RPH3A: variants seen among roughly 807,000 people sequenced by gnomAD.
The protein encoded by RPH3A is rabphilin 3A, also known as rabphilin-3A.
Under a neutral mutation model 102.2 loss-of-function variants are expected in RPH3A, and 48 were observed. The observed-to-expected ratio is 0.47, with a 90% CI of 0.37 to 0.60. RPH3A has a LOEUF of 0.60. Among genes scored for constraint, RPH3A ranks in the 20% least tolerant of loss-of-function variants. The pLI is 0.00. For synonymous variants in RPH3A, 310 were observed against 324.3 expected (o/e 0.96, Z 0.47); for missense variants, 781 against 910.1 (o/e 0.86, Z 1.83).
Position 112,589,637 on chromosome 12 carries a change from T to C in RPH3A, c.-140+14318T>C, listed in dbSNP as rs553201803. Among the ~76,000 whole-genome samples the C allele has an allele frequency of 1.4e-4, 22 of 152,342 alleles. 1 individual carries two copies. In the South Asian group the frequency reaches 4.3e-3, roughly 30 times the overall value. On this transcript the variant is annotated intron_variant, in intron 1 of 21. Transcript: ENST00000543106. ...GCCATCTCTGGCTTGCGTTATTTCT[T>C]TTTAATCACAACAATGAACACTTTA...
At chr12:112,836,470 C>T (rs1400165381) in intron 3 of RPH3A, 21 bp from the exon 4 acceptor site, 1 of 1,323,792 alleles carries the variant, frequency 7.6e-7, no homozygotes, top group Non-Finnish European at 1.0e-6. Context: ...TTCTTTCTCT[C>T]CTTTCTCTGC....
Position 112,887,856 on chromosome 12 carries a change from T to C in RPH3A, c.1496T>C (p.Phe499Ser), listed in dbSNP as rs750729333. The C allele has an allele frequency of 1.2e-6, 2 of 1,613,828 alleles. No individual in the cohort carries two copies. Among genetic ancestry groups the C allele is most frequent in the African/African-American group, 1.3e-5 (1 of 74,916 alleles). ...GHNEFIGETR[F>S]SLKKLKPNQR... is the part of the protein sequence containing the mutation. ...AATGAATTTATTGGTGAGACCAGAT[T>C]CTCCCTCAAGAAACTGAAGCCCAAC... The change falls in exon 17 of 22, where the codon TTC (phenylalanine) becomes TCC (serine). Residue 499 changes from phenylalanine to serine, a missense_variant. Around this residue, in one of 2 missense-constraint regions of RPH3A, gnomAD observed 730 missense variants for 810.0 expected, o/e 0.90. Transcript: ENST00000389385.
intron 2 of RPH3A, among the ~76,000 whole-genome samples, chr12:112,822,508 G>A (rs2041798727): frequency 6.6e-6 from 1 of 152,174 alleles, no homozygotes; most frequent in African/African-American, 2.4e-5. Context: ...CTTAGCAAGC[G>A]ATGCTAAGGA....
chr12:112,674,948 A>C (rs2040163334), intron 1 of RPH3A, among the ~76,000 whole-genome samples: 1 of 152,176 alleles, frequency 6.6e-6, no homozygotes. Flanking sequence ...TCAGTTTGTC[A>C]CAGTAGCTGT....
At chr12:112,866,450 T>C (rs1340562711) in intron 6 of RPH3A, among the ~76,000 whole-genome samples, 1 of 152,078 alleles carries the variant, frequency 6.6e-6, no homozygotes, top group Non-Finnish European at 1.5e-5. Context: ...AAAAAATGGA[T>C]ATATGGTCAT....
At chr12:112,822,263 T>C (rs929296044) in intron 2 of RPH3A, among the ~76,000 whole-genome samples, 2 of 152,196 alleles carry the variant, frequency 1.3e-5, no homozygotes, top group East Asian at 3.8e-4. Flanking sequence ...TCCAAGACTG[T>C]TGGGATAGGG....
At chr12:112,798,238 C>T (rs1012452814) in intron 2 of RPH3A, among the ~76,000 whole-genome samples, 3 of 152,146 alleles carry the variant, frequency 2.0e-5, no homozygotes, top group Non-Finnish European at 4.4e-5. Flanking sequence ...GGGTTTTTTA[C>T]CACCCCCTGC....
At chr12:112,677,797 T>C (rs1348329856) in intron 1 of RPH3A, among the ~76,000 whole-genome samples, 1 of 152,100 alleles carries the variant, frequency 6.6e-6, no homozygotes, top group African/African-American at 2.4e-5. Context: ...CCATTATCCT[T>C]GTGATTAATT....
intron 1 of RPH3A, among the ~76,000 whole-genome samples, chr12:112,694,348 A>C (rs1315859441): frequency 6.6e-6 from 1 of 152,116 alleles, no homozygotes; most frequent in Non-Finnish European, 1.5e-5. Context: ...GCAGTGACAA[A>C]TGGGAAAGCA....
At chr12:112,878,352 G>T (rs563925580) in intron 13 of RPH3A, among the ~76,000 whole-genome samples, 2 of 152,002 alleles carry the variant, frequency 1.3e-5, no homozygotes, top group Admixed American at 6.6e-5. Context: ...AACTTATCCC[G>T]GCTGTTTATT....
intron 1 of RPH3A, among the ~76,000 whole-genome samples, chr12:112,686,938 G>A (rs182689362): frequency 5.9e-5 from 9 of 152,010 alleles, no homozygotes; most frequent in East Asian, 3.9e-4. Flanking sequence ...TTGCGACACC[G>A]TCTCTGCCAA....
chr12:112,751,962 A>C (rs943864906), intron 1 of RPH3A, among the ~76,000 whole-genome samples: 5 of 152,162 alleles, frequency 3.3e-5, no homozygotes, highest in African/African-American at 1.2e-4. Context: ...AAATCAGTAA[A>C]TTTAAATTTA....
In RPH3A at chr12:112,627,721, T is replaced by A. The variant is rs1343268301; in HGVS notation, c.-140+52402T>A. 2.0e-5 allele frequency among the ~76,000 whole-genome samples: 3 copies of A among 152,156 alleles called. No individual in the cohort carries two copies. In the East Asian group the frequency reaches 5.8e-4, roughly 29 times the overall value. Reference sequence around the variant, plus strand: ...TAAAACTGAGAAAAGAAAAGTAGACTGTGGATGAGGTTTGGGTATGTCTGC... The same window carrying A: ...TAAAACTGAGAAAAGAAAAGTAGACAGTGGATGAGGTTTGGGTATGTCTGC... On this transcript the variant is annotated intron_variant, in intron 1 of 21. Coordinates refer to the RPH3A transcript ENST00000543106.
chr12:112,727,908 C>T (rs901340299), intron 1 of RPH3A, among the ~76,000 whole-genome samples: 37 of 152,208 alleles, frequency 2.4e-4, no homozygotes, highest in Non-Finnish European at 4.4e-4. Context: ...CCTGGGATGA[C>T]GATTTCTTCC....
rs1592916423 is a variant in RPH3A, at chr12:112,630,843, A to G, written c.-140+55524A>G. On this transcript the variant is annotated intron_variant, in intron 1 of 21. Coordinates refer to the RPH3A transcript ENST00000543106. ...ACAGGTACAATCCTTGCTGTCATTC[A>G]CTGTCTGTGGGATGGGTTGGTGGGA... 2.6e-5 allele frequency among the ~76,000 whole-genome samples: 4 copies of G among 152,166 alleles called. No individual in the cohort carries two copies. In the South Asian group the frequency reaches 8.3e-4, roughly 32 times the overall value.
intron 1 of RPH3A, among the ~76,000 whole-genome samples, chr12:112,592,267 A>C (rs1397118701): frequency 6.6e-6 from 1 of 152,142 alleles, no homozygotes; most frequent in Non-Finnish European, 1.5e-5. Flanking sequence ...TAAATAAACA[A>C]ATAGATTAAA....
chr12:112,854,432 G>A (rs2042375880), intron 5 of RPH3A, among the ~76,000 whole-genome samples: 1 of 152,214 alleles, frequency 6.6e-6, no homozygotes, highest in Non-Finnish European at 1.5e-5. Context: ...ATTCATTTAT[G>A]TAAACTTCAC....
chr12:112,828,600 A>G (rs963716505), intron 3 of RPH3A, among the ~76,000 whole-genome samples: 1 of 152,208 alleles, frequency 6.6e-6, no homozygotes. Context: ...TGCTCCATAG[A>G]ATAGGTGACC....
intron 1 of RPH3A, among the ~76,000 whole-genome samples, chr12:112,674,883 G>T (rs1314677927): frequency 3.3e-5 from 5 of 152,174 alleles, no homozygotes; most frequent in African/African-American, 1.2e-4. Context: ...TCTCTCAGGG[G>T]CTTTACTCCC....
Sources: allele counts gnomAD v4.1 joint callset (sites outside exome capture counted in the v4.1 genomes callset), GRCh38; gene constraint gnomAD v4.1.1; regional missense constraint gnomAD v4.1.1; transcripts MANE v1.5; gene names NCBI Gene and HGNC (gene_info 2026-07-23, HGNC 2026-07-21).